Variants in CPAP observed in about 807,000 individuals in gnomAD.
CPAP encodes the protein centrosomal P4.1-associated protein.
the CPAP span, chr13:24,885,144 A>C: frequency 1.5e-6 from 1 of 674,552 alleles, no homozygotes; most frequent in Non-Finnish European, 2.6e-6. Flanking sequence ...CCTTTTGCTG[A>C]ATCTCTGAAC....
chr13:24,916,139 T>C, the CPAP span, among the ~76,000 whole-genome samples: 1 of 152,162 alleles, frequency 6.6e-6, no homozygotes, highest in Admixed American at 6.5e-5. Context: ...GAGTATTTTT[T>C]ACAATAGGAG....
At chr13:24,889,166 T>C in the CPAP span, 1 of 673,680 alleles carries the variant, frequency 1.5e-6, no homozygotes, top group Non-Finnish European at 2.6e-6. Flanking sequence ...CGGAATAAGA[T>C]GATGCACAGG....
At chr13:24,900,711 G>A in the CPAP span, among the ~76,000 whole-genome samples, 2 of 152,208 alleles carry the variant, frequency 1.3e-5, no homozygotes, top group African/African-American at 4.8e-5. Context: ...GGATGTGTGT[G>A]AAGAGCACAG....
chr13:24,884,004 T>C, the CPAP span: 1 of 1,614,188 alleles, frequency 6.2e-7, no homozygotes, highest in Non-Finnish European at 8.5e-7. Flanking sequence ...AAATGCTTTC[T>C]TCTTGTCCAT....
At chr13:24,883,289 T>G in the CPAP span, 2 of 1,614,048 alleles carry the variant, frequency 1.2e-6, no homozygotes, top group Non-Finnish European at 1.7e-6. Context: ...AACAGTGCCA[T>G]CTGGGTATTC....
the CPAP span, among the ~76,000 whole-genome samples, chr13:24,915,883 G>C: frequency 6.6e-6 from 1 of 152,172 alleles, no homozygotes; most frequent in Non-Finnish European, 1.5e-5. Context: ...AAAGTGTTTC[G>C]AGGAGGAAAG....
At chr13:24,918,345 A>AT in the CPAP span, among the ~76,000 whole-genome samples, 1 of 152,206 alleles carries the variant, frequency 6.6e-6, no homozygotes, top group African/African-American at 2.4e-5. Flanking sequence ...AAACACAGCA[A>AT]TTTTTTATAA....
the CPAP span, chr13:24,892,866 G>A: frequency 2.0e-5 from 31 of 1,562,712 alleles, no homozygotes; most frequent in Non-Finnish European, 2.3e-5. Flanking sequence ...CTGTTTTAAA[G>A]TCTCTCAAAA....
chr13:24,905,577 T>A, the CPAP span: 1 of 1,614,194 alleles, frequency 6.2e-7, no homozygotes, highest in Non-Finnish European at 8.5e-7. Context: ...GTCTGCGGCG[T>A]CCCATAAGTG....
chr13:24,906,611 T>C, the CPAP span: 1 of 1,614,204 alleles, frequency 6.2e-7, no homozygotes, highest in Non-Finnish European at 8.5e-7. Flanking sequence ...CTTCCCCGTC[T>C]GTATTTTCAA....
At chr13:24,913,964 T>C in the CPAP span, among the ~76,000 whole-genome samples, 1 of 152,234 alleles carries the variant, frequency 6.6e-6, no homozygotes, top group African/African-American at 2.4e-5. Context: ...TAACATTTAT[T>C]GGGTTCTTAC....
chr13:24,912,702 T>G, the CPAP span: 13 of 1,614,212 alleles, frequency 8.1e-6, no homozygotes, highest in Non-Finnish European at 1.1e-5. Flanking sequence ...GACATGCCGC[T>G]ACCTGTGGTC....
the CPAP span, chr13:24,933,099 A>T: frequency 6.3e-7 from 1 of 1,585,840 alleles, no homozygotes; most frequent in Non-Finnish European, 8.7e-7. Context: ...ACATTAAGGA[A>T]AATGGCGGAA....
At chr13:24,900,807 A>G in the CPAP span, among the ~76,000 whole-genome samples, 26 of 152,266 alleles carry the variant, frequency 1.7e-4, no homozygotes, top group African/African-American at 5.8e-4. Context: ...GGCAGCTCTG[A>G]GGCAGTGAAG....
the CPAP span, among the ~76,000 whole-genome samples, chr13:24,910,971 T>C: frequency 1.3e-5 from 2 of 152,334 alleles, no homozygotes; most frequent in East Asian, 3.9e-4. Flanking sequence ...AAGTCTTTTT[T>C]TCCTTGTATT....
the CPAP span, among the ~76,000 whole-genome samples, chr13:24,894,448 C>T: frequency 7.2e-5 from 11 of 152,144 alleles, no homozygotes; most frequent in Admixed American, 3.3e-4. Flanking sequence ...GGCAGACGGC[C>T]GCGATGAGGC....
chr13:24,902,575 T>G, the CPAP span, among the ~76,000 whole-genome samples: 18 of 152,224 alleles, frequency 1.2e-4, no homozygotes, highest in Non-Finnish European at 1.8e-4. Context: ...AACCTTTATC[T>G]GGAACTTAGG....
chr13:24,913,429 C>G, the CPAP span, among the ~76,000 whole-genome samples: 3 of 151,964 alleles, frequency 2.0e-5, no homozygotes, highest in African/African-American at 7.2e-5. Context: ...ATTACCCACA[C>G]TAAGCACTTT....
the CPAP span, among the ~76,000 whole-genome samples, chr13:24,900,816 A>G: frequency 6.6e-6 from 1 of 152,178 alleles, no homozygotes; most frequent in Admixed American, 6.5e-5. Flanking sequence ...GAGGCAGTGA[A>G]GCAGTCGGGT....
Sources: allele counts gnomAD v4.1 joint callset (sites outside exome capture counted in the v4.1 genomes callset), GRCh38; gene constraint gnomAD v4.1.1; transcripts MANE v1.5; gene names NCBI Gene and HGNC (gene_info 2026-07-23, HGNC 2026-07-21).